Variants in CHD2 observed in about 807,000 individuals in gnomAD.
CHD2 encodes chromodomain helicase DNA binding protein 2.
Under a neutral mutation model 243.9 loss-of-function variants are expected in CHD2, and 28 were observed. The ratio of observed to expected loss-of-function variants is 0.11; its 90% CI spans 0.09 to 0.16. The LOEUF (loss-of-function observed/expected upper bound fraction) is 0.16, where lower values mean the gene tolerates loss of function less well. Ranked by LOEUF, CHD2 falls within the 10% of genes least tolerant of loss-of-function variation. The pLI is 1.00. For missense variants in CHD2, 1,386 were observed against 2,209.8 expected, an observed-to-expected ratio of 0.63 and a Z score of 7.47; for synonymous variants, 775 against 779.0, an observed-to-expected ratio of 0.99 and a Z score of 0.09.
At chr15:92,967,587 T>G in intron 17 of CHD2, 74 bp downstream of exon 17, 1 of 1,002,176 alleles carries the variant, frequency 1.0e-6, no homozygotes, top group African/African-American at 1.7e-5. Context: ...GAGATATATA[T>G]ATATACTTTT....
intron 28 of CHD2, among the ~76,000 whole-genome samples, chr15:92,993,945 C>T (rs1167032921): frequency 2.0e-5 from 3 of 152,092 alleles, no homozygotes; most frequent in Non-Finnish European, 4.4e-5. Context: ...GCACTTCAGC[C>T]TGGGTGACAG....
Position 92,939,704 on chromosome 15 carries a change from G to A in CHD2, c.678G>A (p.Ala226=), listed in dbSNP as rs775689412. The A allele has an allele frequency of 2.3e-5, 37 of 1,613,402 alleles. No individual in the cohort carries two copies. In the East Asian group the frequency reaches 2.9e-4, roughly 13 times the overall value. Residue 226 remains alanine (A), a synonymous_variant, in exon 7 of 39, where the codon GCG becomes GCA. Coordinates refer to ENST00000394196, the MANE Select transcript of CHD2 (RefSeq NM_001271.4). ...CCAAAAGGCAGACTCGTCGAAGAGC[G>A]GCTAAAAACGTTAGGTAAGTTGTAC... The part of the protein sequence containing the change: ...EAPKRQTRRR[A]AKNVSYKEDD...
chr15:92,958,655 C>CTTTAA (rs2053646296), intron 16 of CHD2, among the ~76,000 whole-genome samples: 1 of 151,764 alleles, frequency 6.6e-6, no homozygotes, highest in Non-Finnish European at 1.5e-5. Flanking sequence ...CAGTACAGTC[C>CTTTAA]CCAACTTTCT....
intron 35 of CHD2, 49 bp downstream of exon 35, chr15:93,009,372 A>G (rs778704417): frequency 6.5e-7 from 1 of 1,547,272 alleles, no homozygotes; most frequent in South Asian, 1.2e-5. Flanking sequence ...TGAGTGTGGG[A>G]GTGGATTCTG....
At chr15:92,912,769 CGTGATCCGCCAACCTT>C (rs1413315204) in intron 2 of CHD2, among the ~76,000 whole-genome samples, 2,175 of 151,668 alleles carry the variant, frequency 0.014, 54 homozygotes, top group African/African-American at 0.05. Flanking sequence ...CTCCTGACCT[CGTGATCCGCCAACCTT>C]GTGATCCGCC....
chr15:92,956,691 T>G (rs763061215), intron 16 of CHD2, 42 bp downstream of exon 16: 3 of 1,546,410 alleles, frequency 1.9e-6, no homozygotes, highest in Admixed American at 2.1e-5. Context: ...CTAGAATGTC[T>G]GAAATGCCAA....
intron 2 of CHD2, among the ~76,000 whole-genome samples, chr15:92,918,793 C>T (rs1306949523): frequency 6.0e-5 from 9 of 151,210 alleles, no homozygotes; most frequent in South Asian, 2.1e-4. Context: ...TACACATGTA[C>T]GCTATATATA....
At chr15:92,993,155 A>G (rs1030103040) in intron 28 of CHD2, 157 bp downstream of exon 28, 7 of 678,750 alleles carry the variant, frequency 1.0e-5, no homozygotes, top group South Asian at 7.5e-5. Flanking sequence ...TTAATATTCT[A>G]CTCTCCTACA....
chr15:92,984,957 A>G (rs2054023385), intron 25 of CHD2, among the ~76,000 whole-genome samples: 1 of 152,200 alleles, frequency 6.6e-6, no homozygotes, highest in South Asian at 2.1e-4. Context: ...GACACTATCT[A>G]ATTTGATTTT....
intron 9 of CHD2, chr15:92,943,522 T>TGATATAC: frequency 6.1e-6 from 1 of 164,728 alleles, no homozygotes; most frequent in African/African-American, 2.4e-5. Context: ...CTCTGGGTTA[T>TGATATAC]GATATACTTA....
intron 2 of CHD2, chr15:92,904,291 C>T (rs1821806019): frequency 4.8e-6 from 1 of 209,220 alleles, no homozygotes; most frequent in Non-Finnish European, 8.3e-6. Flanking sequence ...AGTTCAAAGG[C>T]CGGCCGGCGC....
At chr15:93,015,837 G>C (rs1055872942) in intron 37 of CHD2, among the ~76,000 whole-genome samples, 2 of 152,166 alleles carry the variant, frequency 1.3e-5, no homozygotes, top group African/African-American at 2.4e-5. Flanking sequence ...AGGATGGCTA[G>C]TACCAAAAAG....
intron 33 of CHD2, among the ~76,000 whole-genome samples, chr15:93,002,531 C>T (rs2054270516): frequency 6.6e-6 from 1 of 152,088 alleles, no homozygotes; most frequent in Admixed American, 6.5e-5. Flanking sequence ...AAAAGAAGGC[C>T]TTTACTTGGT....
At chr15:92,902,333 C>CATAT in intron 2 of CHD2, 2 of 393,810 alleles carry the variant, frequency 5.1e-6, no homozygotes, top group Non-Finnish European at 8.9e-6. Context: ...TTTAAAAGTA[C>CATAT]ATATGAATGC....
At chr15:92,947,119 T>A (rs1009162478) in intron 12 of CHD2, 5 of 152,190 alleles carry the variant, frequency 3.3e-5, no homozygotes, top group African/African-American at 1.2e-4. Flanking sequence ...AAGTGATACG[T>A]CTCTGAGAAG....
chr15:93,024,791 A>C lies in CHD2; in HGVS notation c.*86A>C, dbSNP rs892518939. On this transcript the variant is annotated 3_prime_UTR_variant, in exon 39 of 39. Coordinates refer to ENST00000394196, the MANE Select transcript of CHD2 (RefSeq NM_001271.4). Reference sequence around the variant, plus strand: ...CCTACAGTAGCCGGTTATCTAGACCAGTAAGTGGAGTTTTGGACATGCTGC... The same window carrying C: ...CCTACAGTAGCCGGTTATCTAGACCCGTAAGTGGAGTTTTGGACATGCTGC... 14 of 1,163,090 alleles carry C rather than the reference A, an allele frequency of 1.2e-5. No individual in the cohort carries two copies. Among genetic ancestry groups the C allele is most frequent in the Non-Finnish European group, 1.7e-5 (14 of 827,772 alleles). The allele number at this position is 1,163,090 out of a possible 1,614,324, so 72.0% of individuals were successfully genotyped here.
At chr15:93,022,980 C>T (rs1283523720) in intron 38 of CHD2, among the ~76,000 whole-genome samples, 1 of 152,222 alleles carries the variant, frequency 6.6e-6, no homozygotes. Flanking sequence ...TCCATTTTGA[C>T]TGGAACTTGA....
chr15:92,985,469 C>T (rs771301841), intron 25 of CHD2, 29 bp from the exon 26 acceptor site: 1 of 1,586,758 alleles, frequency 6.3e-7, no homozygotes, highest in Non-Finnish European at 8.6e-7. Flanking sequence ...GCACTTGTTA[C>T]AGTGTGACTT....
chr15:93,011,966 T>C (rs1425767915), intron 35 of CHD2, among the ~76,000 whole-genome samples: 2 of 152,224 alleles, frequency 1.3e-5, no homozygotes, highest in East Asian at 3.9e-4. Flanking sequence ...TTGATAGAAA[T>C]TTGGAGGAGT....
Sources: gnomAD v4.1 joint callset for allele counts (sites outside exome capture counted in the v4.1 genomes callset) on GRCh38, gnomAD v4.1.1 for gene constraint, MANE v1.5 for transcripts, NCBI Gene and HGNC (gene_info 2026-07-23, HGNC 2026-07-21) for gene names.